The following PLCB1 variants were observed in gnomAD, a reference collection of about 807,000 sequenced individuals.
PLCB1 encodes 1-phosphatidylinositol 4,5-bisphosphate phosphodiesterase beta-1.
PLCB1 carries 46 observed loss-of-function variants against 161.8 expected under a neutral mutation model. The observed-to-expected ratio is 0.28, with a 90% CI of 0.22 to 0.36. PLCB1 has a LOEUF of 0.36. Ranked by LOEUF, PLCB1 falls within the 10% of genes least tolerant of loss-of-function variation. The pLI is 1.00. For missense variants in PLCB1, 1,016 were observed against 1,472.5 expected (o/e 0.69, Z 5.07); for synonymous variants, 517 against 503.7 (o/e 1.03, Z -0.35).
intron 2 of PLCB1, among the ~76,000 whole-genome samples, chr20:8,254,472 A>G (rs1329569813): frequency 1.3e-5 from 2 of 151,982 alleles, no homozygotes; most frequent in African/African-American, 4.8e-5. Context: ...CTGTTGTTCA[A>G]AATAAGGTAA....
At chr20:8,616,604 C>T (rs965206798) in intron 3 of PLCB1, among the ~76,000 whole-genome samples, 1 of 152,316 alleles carries the variant, frequency 6.6e-6, no homozygotes, top group Admixed American at 6.5e-5. Context: ...GCTCCATTAA[C>T]TAGCACAGTG....
chr20:8,487,540 T>G (rs1982780424), intron 3 of PLCB1, among the ~76,000 whole-genome samples: 1 of 152,220 alleles, frequency 6.6e-6, no homozygotes, highest in Non-Finnish European at 1.5e-5. Context: ...ATCATGGAGT[T>G]TTGTAGTGGC....
At chr20:8,674,542 C>A (rs1268719234) in intron 9 of PLCB1, among the ~76,000 whole-genome samples, 2 of 152,166 alleles carry the variant, frequency 1.3e-5, no homozygotes, top group South Asian at 4.1e-4. Context: ...TCCATCTTTG[C>A]CACCCTTGAG....
intron 3 of PLCB1, among the ~76,000 whole-genome samples, chr20:8,414,191 A>G (rs929182372): frequency 1.3e-5 from 2 of 152,292 alleles, no homozygotes; most frequent in African/African-American, 2.4e-5. Flanking sequence ...TGTTTTCTCA[A>G]TCGTCATACT....
intron 4 of PLCB1, among the ~76,000 whole-genome samples, chr20:8,636,330 G>T (rs896198603): frequency 6.6e-6 from 1 of 152,090 alleles, no homozygotes; most frequent in Non-Finnish European, 1.5e-5. Context: ...ATCATAAAAA[G>T]GACCAAATTC....
At chr20:8,227,165 A>G (rs926444544) in intron 2 of PLCB1, among the ~76,000 whole-genome samples, 1 of 152,056 alleles carries the variant, frequency 6.6e-6, no homozygotes. Flanking sequence ...CCCTCACAAT[A>G]CACCTTAGTT....
At chr20:8,375,984 T>C (rs1045030228) in intron 3 of PLCB1, among the ~76,000 whole-genome samples, 2 of 140,310 alleles carry the variant, frequency 1.4e-5, no homozygotes, top group Non-Finnish European at 3.1e-5. Context: ...CTAGCCAAGG[T>C]AAGGTACTAT....
At chr20:8,236,578 AT>A (rs1440590865) in intron 2 of PLCB1, among the ~76,000 whole-genome samples, 4 of 151,976 alleles carry the variant, frequency 2.6e-5, no homozygotes, top group African/African-American at 9.7e-5. Flanking sequence ...TACTAAATCA[AT>A]TGGGTAACAC....
chr20:8,648,064 C>T (rs927310472), intron 6 of PLCB1, 111 bp downstream of exon 6: 12 of 708,760 alleles, frequency 1.7e-5, no homozygotes, highest in African/African-American at 1.1e-4. Context: ...TGTGGAAATG[C>T]GTGGTAGCCC....
chr20:8,790,695 A>G lies in PLCB1; in HGVS notation c.3423+434A>G, dbSNP rs147323390. 5.6e-3 allele frequency among the ~76,000 whole-genome samples: 855 copies of G among 152,316 alleles called. 6 individuals are homozygous for G. The highest frequency in any genetic ancestry group is 0.02 in the African/African-American group (825 of 41,570). On this transcript the variant is annotated intron_variant, in intron 31 of 31. Coordinates refer to ENST00000338037, the MANE Select transcript of PLCB1 (RefSeq NM_015192.4). Reference sequence around the variant, plus strand: ...ACCAAAATCACTTTGGTTTTTATCTAGCAAAATAGTCTCATAAATCAGAGA... The same window carrying G: ...ACCAAAATCACTTTGGTTTTTATCTGGCAAAATAGTCTCATAAATCAGAGA...
At chr20:8,492,079 G>C (rs1471853993) in intron 3 of PLCB1, among the ~76,000 whole-genome samples, 3 of 151,994 alleles carry the variant, frequency 2.0e-5, no homozygotes, top group Non-Finnish European at 4.4e-5. Flanking sequence ...AAGGAGTAAT[G>C]GGCTAAAGTA....
intron 2 of PLCB1, among the ~76,000 whole-genome samples, chr20:8,238,097 A>G (rs1297527992): frequency 6.6e-6 from 1 of 152,086 alleles, no homozygotes; most frequent in Non-Finnish European, 1.5e-5. Flanking sequence ...GTGTCCCTGT[A>G]GGAGTTAGAG....
intron 3 of PLCB1, among the ~76,000 whole-genome samples, chr20:8,467,198 C>T (rs980502783): frequency 1.1e-4 from 17 of 152,198 alleles, no homozygotes; most frequent in African/African-American, 4.1e-4. Flanking sequence ...GTCTTGGCCT[C>T]ACAAAGTGCT....
chr20:8,451,853 CTCT>C (rs1474741865), intron 3 of PLCB1, among the ~76,000 whole-genome samples: 2 of 150,892 alleles, frequency 1.3e-5, no homozygotes, highest in Non-Finnish European at 1.5e-5. Flanking sequence ...TTCCATCTCC[CTCT>C]TCTTCTTTCT....
At chr20:8,640,131 T>C (rs1179284345) in intron 4 of PLCB1, among the ~76,000 whole-genome samples, 1 of 152,236 alleles carries the variant, frequency 6.6e-6, no homozygotes, top group Non-Finnish European at 1.5e-5. Context: ...TTAAAACAAA[T>C]TTATTTCCAA....
In PLCB1 at chr20:8,312,286, A is replaced by G. The variant is rs534926927; in HGVS notation, c.178-59096A>G. On this transcript the variant is annotated intron_variant, in intron 2 of 31. Transcript: ENST00000338037. ...CGCGCATACAATTCTTCTACCCCGCAAAAGCCTACAGGACTATCCCATTCC... is the reference window on the plus strand; with the variant it reads ...CGCGCATACAATTCTTCTACCCCGCGAAAGCCTACAGGACTATCCCATTCC... Among the ~76,000 whole-genome samples, 5 of 152,166 alleles carry G rather than the reference A, an allele frequency of 3.3e-5. No individual in the cohort carries two copies. In the South Asian group the frequency reaches 8.3e-4, roughly 25 times the overall value.
intron 23 of PLCB1, among the ~76,000 whole-genome samples, chr20:8,756,564 C>G (rs1981746872): frequency 6.6e-6 from 1 of 152,172 alleles, no homozygotes; most frequent in Non-Finnish European, 1.5e-5. Context: ...CGGGTTCACT[C>G]AAGTGTATGT....
At chr20:8,784,456 G>T (rs4813872) in intron 27 of PLCB1, among the ~76,000 whole-genome samples, 12,271 of 151,984 alleles carry the variant, frequency 0.081, 589 homozygotes, top group South Asian at 0.18. Context: ...CCAGCTATTC[G>T]GGAGGCTGAG....
chr20:8,449,416 T>A (rs1980974506), intron 3 of PLCB1, among the ~76,000 whole-genome samples: 1 of 152,222 alleles, frequency 6.6e-6, no homozygotes, highest in South Asian at 2.1e-4. Flanking sequence ...TAATTGCCTA[T>A]CGCTAGTGTC....
Sources: gnomAD v4.1 joint callset for allele counts (sites outside exome capture counted in the v4.1 genomes callset) on GRCh38, gnomAD v4.1.1 for gene constraint, MANE v1.5 for transcripts, NCBI Gene and HGNC (gene_info 2026-07-23, HGNC 2026-07-21) for gene names.